BACH2: variants seen among roughly 807,000 people sequenced by gnomAD.
The protein encoded by BACH2 is BACH transcriptional regulator 2, also known as transcription regulator protein BACH2.
In BACH2, 5 loss-of-function variants were observed where a neutral mutation model predicts 61.8. The observed-to-expected ratio is 0.08, with a 90% CI of 0.04 to 0.17. The LOEUF (loss-of-function observed/expected upper bound fraction) is 0.17, where lower values mean the gene tolerates loss of function less well. Ranked by LOEUF, BACH2 falls within the 10% of genes least tolerant of loss-of-function variation. The pLI is 1.00. For missense variants in BACH2, 824 were observed against 1,091.1 expected, an observed-to-expected ratio of 0.76 and a Z score of 3.45; for synonymous variants, 446 against 440.1, an observed-to-expected ratio of 1.01 and a Z score of -0.17.
At chr6:90,038,465 T>C (rs778501280) in intron 5 of BACH2, among the ~76,000 whole-genome samples, 2 of 152,180 alleles carry the variant, frequency 1.3e-5, no homozygotes, top group South Asian at 2.1e-4. Context: ...GGTTCATCCA[T>C]GTTGTTGTGT....
intron 7 of BACH2, among the ~76,000 whole-genome samples, chr6:89,939,318 T>G (rs1584503426): frequency 6.6e-6 from 1 of 152,164 alleles, no homozygotes. Flanking sequence ...TTCAGTTGAG[T>G]GTAGCCCCAG....
intron 4 of BACH2, among the ~76,000 whole-genome samples, chr6:90,158,290 A>G (rs1490337770): frequency 2.0e-5 from 3 of 152,348 alleles, no homozygotes; most frequent in East Asian, 3.9e-4. Flanking sequence ...TTGTTCACAT[A>G]AAGTTTTACA....
chr6:90,053,836 C>T (rs1040384565), intron 5 of BACH2, among the ~76,000 whole-genome samples: 1 of 152,200 alleles, frequency 6.6e-6, no homozygotes, highest in South Asian at 2.1e-4. Context: ...TTCCCTATGG[C>T]TCCTTTTAAG....
chr6:90,004,441 T>C (rs1476175631), intron 6 of BACH2, among the ~76,000 whole-genome samples: 2 of 152,074 alleles, frequency 1.3e-5, no homozygotes, highest in African/African-American at 4.8e-5. Context: ...CCCGTCCCCT[T>C]CTCTAGAGGG....
intron 5 of BACH2, among the ~76,000 whole-genome samples, chr6:90,037,461 A>G (rs998777112): frequency 6.6e-6 from 1 of 152,232 alleles, no homozygotes; most frequent in Admixed American, 6.5e-5. Flanking sequence ...CTTTAAACTT[A>G]ACTACAGTAG....
At chr6:90,039,939 T>C (rs1340789573) in intron 5 of BACH2, among the ~76,000 whole-genome samples, 1 of 152,180 alleles carries the variant, frequency 6.6e-6, no homozygotes, top group Non-Finnish European at 1.5e-5. Flanking sequence ...GTTGGTCTTT[T>C]TCTGCCTTGG....
chr6:90,236,898 C>T (rs1276131695), intron 3 of BACH2, among the ~76,000 whole-genome samples: 1 of 152,080 alleles, frequency 6.6e-6, no homozygotes, highest in Non-Finnish European at 1.5e-5. Context: ...ATTGTACAAA[C>T]CCATTCTCCA....
intron 5 of BACH2, among the ~76,000 whole-genome samples, chr6:90,010,487 T>TA (rs1198058225): frequency 2.0e-5 from 3 of 152,256 alleles, no homozygotes; most frequent in East Asian, 1.9e-4. Flanking sequence ...ACTTTTTTTT[T>TA]ATCCATTCAT....
At chr6:90,209,618 C>G (rs1769273602) in intron 3 of BACH2, among the ~76,000 whole-genome samples, 1 of 152,150 alleles carries the variant, frequency 6.6e-6, no homozygotes, top group African/African-American at 2.4e-5. Flanking sequence ...GGTATCAACA[C>G]AGGAAATGTG....
chr6:90,160,099 G>T (rs1021337161), intron 4 of BACH2, among the ~76,000 whole-genome samples: 16 of 152,138 alleles, frequency 1.1e-4, no homozygotes, highest in African/African-American at 3.9e-4. Flanking sequence ...GGATAAAATT[G>T]AAGTTTTCAA....
rs189245653 is a variant in BACH2 at position 90,099,921 on chromosome 6, A to G, written c.-161-10812T>C. Among the ~76,000 whole-genome samples the G allele has an allele frequency of 2.6e-5, 4 of 152,286 alleles. No individual in the cohort carries two copies. The East Asian group carries it at 7.7e-4, about 29-fold the overall frequency. On this transcript the variant is annotated intron_variant, in intron 4 of 8. Transcript: ENST00000257749. ...AAAAAAGAAAACCTACACCCATAGTAGTTACTCTTCATTTCCTTTCCCCTT... is the reference window on the plus strand; with the variant it reads ...AAAAAAGAAAACCTACACCCATAGTGGTTACTCTTCATTTCCTTTCCCCTT...
At chr6:89,965,045 T>C (rs210053) in intron 6 of BACH2, among the ~76,000 whole-genome samples, 113,336 of 152,038 alleles carry the variant, frequency 0.75, 42,612 homozygotes, top group Non-Finnish European at 0.79. Context: ...CCACCACACC[T>C]GGCTAATTTT....
chr6:90,295,654 G>GGGT (rs377584550), intron 1 of BACH2, among the ~76,000 whole-genome samples: 1 of 147,734 alleles, frequency 6.8e-6, no homozygotes, highest in African/African-American at 2.5e-5. Context: ...TGGAGTGTAG[G>GGGT]GTGTGTGTGT....
At chr6:90,065,116 C>CAGAAACTTGGAGAA (rs1284646758) in intron 5 of BACH2, among the ~76,000 whole-genome samples, 2 of 147,206 alleles carry the variant, frequency 1.4e-5, no homozygotes, top group Admixed American at 1.4e-4. Context: ...GTAAGGTAAG[C>CAGAAACTTGGAGAA]AGAAACTTGG....
At chr6:89,960,529 T>C (rs1584534547) in intron 6 of BACH2, among the ~76,000 whole-genome samples, 1 of 152,396 alleles carries the variant, frequency 6.6e-6, no homozygotes, top group Non-Finnish European at 1.5e-5. Flanking sequence ...GCCAATTGGA[T>C]GCAGTACATC....
chr6:90,085,191 C>T (rs1454347617), intron 5 of BACH2, among the ~76,000 whole-genome samples: 2 of 152,144 alleles, frequency 1.3e-5, no homozygotes, highest in South Asian at 2.1e-4. Flanking sequence ...ATAAATCTTG[C>T]TTCACTTGGA....
intron 6 of BACH2, among the ~76,000 whole-genome samples, chr6:90,007,576 C>T (rs1417014081): frequency 1.3e-5 from 2 of 152,134 alleles, no homozygotes; most frequent in African/African-American, 4.8e-5. Context: ...ATTTGCCAGG[C>T]CCCTGAAGGC....
chr6:90,199,992 C>T (rs1768902294), intron 4 of BACH2, among the ~76,000 whole-genome samples: 2 of 152,088 alleles, frequency 1.3e-5, no homozygotes, highest in South Asian at 2.1e-4. Context: ...CACAAATGAT[C>T]GCAGACCCTA....
intron 8 of BACH2, among the ~76,000 whole-genome samples, chr6:89,933,991 CA>C (rs35459545): frequency 6.7e-6 from 1 of 149,818 alleles, no homozygotes; most frequent in Non-Finnish European, 1.5e-5. Context: ...CTCCCCGCAC[CA>C]AAAAAAAGTT....
Sources: gnomAD v4.1 joint callset for allele counts (sites outside exome capture counted in the v4.1 genomes callset) on GRCh38, gnomAD v4.1.1 for gene constraint, MANE v1.5 for transcripts, NCBI Gene and HGNC (gene_info 2026-07-23, HGNC 2026-07-21) for gene names.